The following KLHL14 variants were observed in gnomAD, a reference collection of about 807,000 sequenced individuals.
The protein encoded by KLHL14 is kelch-like protein 14.
Under a neutral mutation model 64.3 loss-of-function variants are expected in KLHL14, and 22 were observed. The ratio of observed to expected loss-of-function variants is 0.34; its 90% confidence interval spans 0.24 to 0.49. The LOEUF (loss-of-function observed/expected upper bound fraction) is 0.49, where lower values mean the gene tolerates loss of function less well. Among genes scored for constraint, KLHL14 ranks in the 20% least tolerant of loss-of-function variants. The probability of loss-of-function intolerance (pLI) is 0.99; values close to 1 mark genes in which losing one functional copy is unlikely to be tolerated. For synonymous variants in KLHL14, 322 were observed against 333.4 expected (o/e 0.97, Z 0.37); for missense variants, 661 against 789.0 (o/e 0.84, Z 1.94).
intron 2 of KLHL14, among the ~76,000 whole-genome samples, chr18:32,758,697 G>A (rs747805593): frequency 3.3e-5 from 5 of 152,074 alleles, no homozygotes; most frequent in Non-Finnish European, 7.4e-5. Context: ...CAACCCACAC[G>A]TCCATGGATA....
chr18:32,688,509 C>T (rs1246869091), intron 4 of KLHL14, among the ~76,000 whole-genome samples: 1 of 152,180 alleles, frequency 6.6e-6, no homozygotes, highest in Non-Finnish European at 1.5e-5. Context: ...AAAGGGGAGG[C>T]CAGTTTCAGT....
chr18:32,679,840 T>C (rs890542080), intron 7 of KLHL14, among the ~76,000 whole-genome samples: 1 of 152,136 alleles, frequency 6.6e-6, no homozygotes, highest in Non-Finnish European at 1.5e-5. Context: ...ACTACAACTT[T>C]GGTGATAAGA....
intron 2 of KLHL14, among the ~76,000 whole-genome samples, chr18:32,752,323 A>G (rs2050258415): frequency 6.6e-6 from 1 of 152,112 alleles, no homozygotes; most frequent in South Asian, 2.1e-4. Context: ...TCAAAAGGCA[A>G]TGGGGAAAAA....
At position 32,769,969 on chromosome 18, in the gene KLHL14, T is replaced by C; in HGVS notation, c.623A>G (p.Tyr208Cys). Residue 208 changes from tyrosine to cysteine, a missense_variant, in exon 2 of 9, where the codon TAC (tyrosine) becomes TGC (cysteine). Tyr to Cys is a radical substitution (Grantham distance 194, BLOSUM62 -2). Coordinates refer to ENST00000359358, the MANE Select transcript of KLHL14 (RefSeq NM_020805.3). ...LEETKKLANK[Y>C]LVEDVLLLNF... ...GAGCAGCAGCACATCCTCCACCAGG[T>C]ACTTGTTGGCCAGCTTCTTGGTCTC... 6.2e-7 allele frequency: 1 copy of C among 1,614,130 alleles called. No homozygotes were observed. Among genetic ancestry groups the C allele is most frequent in the Non-Finnish European group, 8.5e-7 (1 of 1,180,028 alleles).
At chr18:32,754,106 T>C (rs913805842) in intron 2 of KLHL14, among the ~76,000 whole-genome samples, 2 of 152,190 alleles carry the variant, frequency 1.3e-5, no homozygotes, top group African/African-American at 4.8e-5. Context: ...TTCTCTTTGT[T>C]CAAGAGAGAT....
intron 3 of KLHL14, among the ~76,000 whole-genome samples, chr18:32,709,486 C>T (rs1043444980): frequency 6.6e-6 from 1 of 151,226 alleles, no homozygotes; most frequent in Non-Finnish European, 1.5e-5. Context: ...CTCATTTTGT[C>T]ACCCAAGCTA....
intron 8 of KLHL14, among the ~76,000 whole-genome samples, chr18:32,675,402 T>C (rs888715841): frequency 9.9e-5 from 15 of 152,016 alleles, no homozygotes; most frequent in African/African-American, 3.6e-4. Flanking sequence ...ATCCAGCTGG[T>C]TTAAGTTAAA....
At chr18:32,703,852 G>A (rs2144493375) in intron 3 of KLHL14, among the ~76,000 whole-genome samples, 1 of 152,176 alleles carries the variant, frequency 6.6e-6, no homozygotes, top group Non-Finnish European at 1.5e-5. Context: ...TACTTTTGGA[G>A]AGTAAAAAAT....
At chr18:32,723,749 C>T (rs2050091579) in intron 3 of KLHL14, among the ~76,000 whole-genome samples, 1 of 152,158 alleles carries the variant, frequency 6.6e-6, no homozygotes, top group African/African-American at 2.4e-5. Context: ...AACAGTGCCC[C>T]TCTTACTAGC....
chr18:32,730,390 C>A (rs958196284), intron 3 of KLHL14, among the ~76,000 whole-genome samples: 3 of 152,100 alleles, frequency 2.0e-5, no homozygotes, highest in Non-Finnish European at 4.4e-5. Context: ...ATGACTGAAC[C>A]ATTAAAACAA....
At chr18:32,693,677 G>A (rs984087201) in intron 4 of KLHL14, among the ~76,000 whole-genome samples, 1 of 152,074 alleles carries the variant, frequency 6.6e-6, no homozygotes, top group Non-Finnish European at 1.5e-5. Context: ...TGGCCATGGT[G>A]AGAACCATCC....
chr18:32,690,693 C>T (rs1206767635), intron 4 of KLHL14, among the ~76,000 whole-genome samples: 8 of 152,102 alleles, frequency 5.3e-5, no homozygotes, highest in African/African-American at 1.4e-4. Context: ...CGCACCACTG[C>T]ACTCCAGCCT....
In KLHL14 at chr18:32,673,153, C is replaced by A. The variant is rs1453960640; in HGVS notation, c.*1504G>T. On this transcript the variant is annotated 3_prime_UTR_variant, in exon 9 of 9. Transcript: ENST00000359358. ...CTGAACATACAAATAAATACAAAAA[C>A]AACGAAGATTGCACTTTACTGTAGA... 5.2e-5 allele frequency: 8 copies of A among 152,594 alleles called. No individual in the cohort carries two copies. The East Asian group carries it at 1.5e-3, about 29-fold the overall frequency. 9.5% of individuals were successfully genotyped at this position (152,594 alleles called of 1,614,324 possible). A position where few individuals can be genotyped will look rare whatever the true frequency, so the allele number is the denominator to read the frequency against.
At chr18:32,717,240 A>T (rs1242092238) in intron 3 of KLHL14, among the ~76,000 whole-genome samples, 2 of 152,246 alleles carry the variant, frequency 1.3e-5, no homozygotes, top group East Asian at 3.8e-4. Context: ...GTGCAATTTG[A>T]TGATAGATTT....
chr18:32,737,018 A>G (rs887005790), intron 3 of KLHL14, among the ~76,000 whole-genome samples: 3 of 152,102 alleles, frequency 2.0e-5, no homozygotes, highest in Non-Finnish European at 2.9e-5. Flanking sequence ...TGGGTATTCA[A>G]TAATTGCTTA....
intron 2 of KLHL14, among the ~76,000 whole-genome samples, chr18:32,756,893 A>T (rs1270914305): frequency 6.6e-6 from 1 of 152,212 alleles, no homozygotes; most frequent in Non-Finnish European, 1.5e-5. Flanking sequence ...TAATTTCTAG[A>T]GGTTTTCTGC....
At chr18:32,748,779 T>C (rs2050237669) in intron 2 of KLHL14, among the ~76,000 whole-genome samples, 1 of 152,122 alleles carries the variant, frequency 6.6e-6, no homozygotes, top group Non-Finnish European at 1.5e-5. Flanking sequence ...CGTGAGCCAC[T>C]GGGCCTGGCC....
intron 2 of KLHL14, among the ~76,000 whole-genome samples, chr18:32,756,924 A>G (rs2050285116): frequency 6.6e-6 from 1 of 152,220 alleles, no homozygotes; most frequent in South Asian, 2.1e-4. Flanking sequence ...TTTGTTGAAA[A>G]TGCATTCTAC....
chr18:32,741,905 A>T (rs758240681), intron 3 of KLHL14, 23 bp downstream of exon 3: 1 of 1,518,706 alleles, frequency 6.6e-7, no homozygotes, highest in African/African-American at 1.4e-5. Flanking sequence ...GTGAGTGAAT[A>T]AATAAATAAA....
Sources: allele counts gnomAD v4.1 joint callset (sites outside exome capture counted in the v4.1 genomes callset), GRCh38; gene constraint gnomAD v4.1.1; transcripts MANE v1.5; gene names NCBI Gene and HGNC (gene_info 2026-07-23, HGNC 2026-07-21).